NUAK1: variants seen among roughly 807,000 people sequenced by gnomAD.
NUAK1 encodes NUAK family SNF1-like kinase 1.
NUAK1 carries 26 observed loss-of-function variants against 56.9 expected under a neutral mutation model. That is an observed-to-expected ratio of 0.46 (90% CI 0.33 to 0.63). NUAK1 has a LOEUF of 0.63. NUAK1 is among the 30% of genes least tolerant of loss of function. NUAK1 has a pLI of 0.02. For missense variants in NUAK1, 727 were observed against 876.1 expected (o/e 0.83, Z 2.15); for synonymous variants, 337 against 336.0 (o/e 1.00, Z -0.03).
In NUAK1 at chr12:106,070,838, G is replaced by A. The variant is rs55667101; in HGVS notation, c.768C>T (p.Phe256=). 4.5e-3 allele frequency: 7,318 copies of A among 1,614,102 alleles called. 108 individuals carry two copies. Among genetic ancestry groups the A allele is most frequent in the African/African-American group, 0.041 (3,083 of 75,010 alleles). ...TTTGCCGAATGAGGTTTTTGTGATC[G>A]AAACCATCGAAGGGCATTGTTCCAT... ...LVYGTMPFDG[F]DHKNLIRQIS... The change falls in exon 6 of 7, where the codon TTC becomes TTT. Residue 256 remains phenylalanine (F), a synonymous_variant. Transcript: ENST00000261402.
intron 1 of NUAK1, among the ~76,000 whole-genome samples, chr12:106,136,282 G>A (rs2033128894): frequency 6.6e-6 from 1 of 152,150 alleles, no homozygotes; most frequent in Non-Finnish European, 1.5e-5. Context: ...AGCACAATGG[G>A]AAAATGAACT....
chr12:106,117,527 T>G (rs965010471), intron 1 of NUAK1, among the ~76,000 whole-genome samples: 1 of 152,218 alleles, frequency 6.6e-6, no homozygotes, highest in Non-Finnish European at 1.5e-5. Flanking sequence ...CTCCATAAAA[T>G]GGGCCTACTT....
At position 106,067,267 on chromosome 12, in the gene NUAK1, C is replaced by G. The variant is rs138538652; in HGVS notation, c.1521G>C (p.Pro507=). ...TGTGGGAGGTTACCCTGGCTGGGTCCGGGGGGCTGGGGGAGGGGATGCTGC... is the reference window on the plus strand; with the variant it reads ...TGTGGGAGGTTACCCTGGCTGGGTCGGGGGGGCTGGGGGAGGGGATGCTGC... ...MGSSIPSPSP[P]DPARVTSHSL... Residue 507 remains proline, a synonymous_variant, in exon 7 of 7, where the codon CCG becomes CCC. Transcript: ENST00000261402. The surrounding 1 kb of genome is among the most constrained non-coding windows in gnomAD (Gnocchi z 6.0). 1.2e-6 allele frequency: 2 copies of G among 1,613,974 alleles called. No homozygotes were observed. The highest frequency in any genetic ancestry group is 1.1e-5 in the South Asian group (1 of 91,068).
At chr12:106,095,960 C>T (rs1395648751) in intron 2 of NUAK1, among the ~76,000 whole-genome samples, 2 of 152,156 alleles carry the variant, frequency 1.3e-5, no homozygotes, top group Non-Finnish European at 2.9e-5. Flanking sequence ...CCAGACTCGG[C>T]AGGTTAAAAG....
chr12:106,125,281 T>C (rs2033015014), intron 1 of NUAK1, among the ~76,000 whole-genome samples: 3 of 152,180 alleles, frequency 2.0e-5, no homozygotes, highest in South Asian at 2.1e-4. Flanking sequence ...ACTGGGAGCA[T>C]ATAAATGAGT....
At chr12:106,077,299 C>A (rs10778457) in intron 4 of NUAK1, among the ~76,000 whole-genome samples, 109,152 of 152,086 alleles carry the variant, frequency 0.72, 40,006 homozygotes, top group East Asian at 0.95. Context: ...TGCAAAATGG[C>A]ACTCAGACTA....
chr12:106,120,584 C>T (rs2032964410), intron 1 of NUAK1, among the ~76,000 whole-genome samples: 1 of 152,168 alleles, frequency 6.6e-6, no homozygotes, highest in Non-Finnish European at 1.5e-5. Context: ...CATCTCAGGT[C>T]ACCCCACTAA....
chr12:106,073,270 C>A (rs187524260), intron 4 of NUAK1, among the ~76,000 whole-genome samples: 68 of 152,214 alleles, frequency 4.5e-4, no homozygotes, highest in African/African-American at 1.5e-3. Flanking sequence ...GCTGCATCTG[C>A]GGTGGTGTGC....
chr12:106,078,577 T>C (rs1456850984), intron 4 of NUAK1, among the ~76,000 whole-genome samples: 1 of 152,056 alleles, frequency 6.6e-6, no homozygotes, highest in Non-Finnish European at 1.5e-5. Context: ...GGCCTTGGAG[T>C]TGATCGCTGT....
chr12:106,090,967 G>A (rs2032629017), intron 2 of NUAK1, among the ~76,000 whole-genome samples: 1 of 152,132 alleles, frequency 6.6e-6, no homozygotes, highest in Non-Finnish European at 1.5e-5. Flanking sequence ...AAGGCCTTGG[G>A]AATTAATACT....
At chr12:106,095,112 T>C (rs2032682874) in intron 2 of NUAK1, among the ~76,000 whole-genome samples, 2 of 152,104 alleles carry the variant, frequency 1.3e-5, no homozygotes, top group Admixed American at 6.5e-5. Flanking sequence ...ATTCCCTCTA[T>C]TGCTCTGTCT....
At position 106,138,613 on chromosome 12, in the gene NUAK1, T is replaced by G; in HGVS notation, c.41A>C (p.Asp14Ala). Residue 14 changes from aspartate (D) to alanine (A), a missense_variant, in exon 1 of 7, where the codon GAC becomes GCC. By Grantham distance (126) the Asp-to-Ala change is moderately radical. Transcript: ENST00000261402. This position sits in a 1 kb window ranked among gnomAD's most constrained non-coding sequence, Gnocchi z 5.0. ...AAAPVAGDRP[D>A]LGLGAPGSPR... ...AGAGCCCGGCGCCCCCAGCCCCAAG[T>G]CGGGGCGGTCCCCCGCCACAGGCGC... 1 of 1,525,002 alleles carries G rather than the reference T, an allele frequency of 6.6e-7. No homozygotes were observed. The highest frequency in any genetic ancestry group is 8.8e-7 in the Non-Finnish European group (1 of 1,142,022). 94.5% of individuals were successfully genotyped at this position (1,525,002 alleles called of 1,614,324 possible).
Position 106,099,512 on chromosome 12 carries a change from T to C in NUAK1, c.361+6893A>G, listed in dbSNP as rs530894189. Among the ~76,000 whole-genome samples the C allele has an allele frequency of 2.6e-5, 4 of 152,284 alleles. No individual in the cohort carries two copies. In the South Asian group the frequency reaches 8.3e-4, roughly 32 times the overall value. ...CACAGGGTCAAGAACAATACTTCCC[T>C]CCAGTTAGGGGTCTCTGCAGACCAC... is the stretch of plus-strand genomic sequence containing the variant. On this transcript the variant is annotated intron_variant, in intron 2 of 6. Transcript: ENST00000261402.
intron 1 of NUAK1, among the ~76,000 whole-genome samples, chr12:106,130,084 C>T (rs375819367): frequency 3.9e-5 from 6 of 152,014 alleles, no homozygotes; most frequent in African/African-American, 1.4e-4. Flanking sequence ...CAGGTTCAAG[C>T]GATTCTCCTG....
intron 1 of NUAK1, among the ~76,000 whole-genome samples, chr12:106,123,263 T>C (rs936139378): frequency 6.6e-6 from 1 of 152,148 alleles, no homozygotes; most frequent in African/African-American, 2.4e-5. Context: ...AGGGGCCAAG[T>C]GTGTGCCATG....
intron 2 of NUAK1, among the ~76,000 whole-genome samples, chr12:106,100,847 T>A (rs1324897342): frequency 6.6e-6 from 1 of 152,206 alleles, no homozygotes; most frequent in Non-Finnish European, 1.5e-5. Context: ...GCTGTCACTA[T>A]GTGTGTGTGC....
chr12:106,124,015 C>A (rs1327359533), intron 1 of NUAK1, among the ~76,000 whole-genome samples: 1 of 152,140 alleles, frequency 6.6e-6, no homozygotes, highest in Non-Finnish European at 1.5e-5. Context: ...TCAGACTGTG[C>A]CGCCACCAGA....
chr12:106,093,025 C>A (rs1056458492), intron 2 of NUAK1, among the ~76,000 whole-genome samples: 1 of 152,156 alleles, frequency 6.6e-6, no homozygotes, highest in African/African-American at 2.4e-5. Flanking sequence ...CAGTCATTAA[C>A]CCCAAGGAGT....
intron 1 of NUAK1, among the ~76,000 whole-genome samples, chr12:106,130,005 G>C (rs1278292372): frequency 2.0e-5 from 3 of 151,642 alleles, no homozygotes; most frequent in Non-Finnish European, 4.4e-5. Flanking sequence ...TCTGTGAGAC[G>C]GAGTCTGCCT....
Sources: allele counts gnomAD v4.1 joint callset (sites outside exome capture counted in the v4.1 genomes callset), GRCh38; gene constraint gnomAD v4.1.1; non-coding constraint Gnocchi (gnomAD v3.1); transcripts MANE v1.5; gene names NCBI Gene and HGNC (gene_info 2026-07-23, HGNC 2026-07-21).